SCFD2: variants seen among roughly 807,000 people sequenced by gnomAD.
SCFD2 encodes sec1 family domain-containing protein 2.
A neutral mutation model predicts 58.9 loss-of-function variants in SCFD2; 54 were observed. That is an observed-to-expected ratio of 0.92 (90% CI 0.74 to 1.15). The LOEUF (loss-of-function observed/expected upper bound fraction) is 1.15, where lower values mean the gene tolerates loss of function less well. SCFD2 is among the 50% of genes most tolerant of loss of function. The pLI is 0.00. For synonymous variants in SCFD2, 321 were observed against 335.9 expected, an observed-to-expected ratio of 0.96 and a Z score of 0.49; for missense variants, 805 against 836.6, an observed-to-expected ratio of 0.96 and a Z score of 0.47.
In SCFD2 at chr4:53,347,913, C is replaced by A. The variant is rs1364211644; in HGVS notation, c.1007+4685G>T. On this transcript the variant is annotated intron_variant, in intron 2 of 8. Coordinates refer to ENST00000401642, the MANE Select transcript of SCFD2 (RefSeq NM_152540.4). ...TTAGCGCAGAGCCAGAAGCACCAAG[C>A]GCAGATGTAGTAAATGCAAGTAGGG... Among the ~76,000 whole-genome samples, 3 of 152,264 alleles carry A rather than the reference C, an allele frequency of 2.0e-5. No homozygotes were observed. The East Asian group carries it at 5.8e-4, about 29-fold the overall frequency.
At chr4:53,229,356 C>T (rs1391767243) in intron 4 of SCFD2, among the ~76,000 whole-genome samples, 26 of 152,206 alleles carry the variant, frequency 1.7e-4, no homozygotes, top group Non-Finnish European at 3.4e-4. Flanking sequence ...CATCAAGCTA[C>T]CTGACTTCAA....
intron 3 of SCFD2, among the ~76,000 whole-genome samples, chr4:53,301,239 T>C (rs1191102859): frequency 1.6e-4 from 24 of 151,362 alleles, no homozygotes; most frequent in South Asian, 6.2e-4. Flanking sequence ...AAGAATCAAA[T>C]AGATGCAATA....
intron 3 of SCFD2, among the ~76,000 whole-genome samples, chr4:53,284,149 G>T (rs560467938): frequency 6.7e-6 from 1 of 148,912 alleles, no homozygotes; most frequent in African/African-American, 2.5e-5. Flanking sequence ...ATGTAATGAA[G>T]CATTACATGC....
intron 4 of SCFD2, among the ~76,000 whole-genome samples, chr4:53,232,020 T>C (rs1304923357): frequency 2.6e-5 from 4 of 152,122 alleles, no homozygotes; most frequent in African/African-American, 4.8e-5. Context: ...GTGGGTATCA[T>C]ATATTCAATA....
intron 5 of SCFD2, among the ~76,000 whole-genome samples, chr4:53,013,379 C>A (rs1269256711): frequency 6.6e-6 from 1 of 152,182 alleles, no homozygotes; most frequent in Non-Finnish European, 1.5e-5. Context: ...TTAAATAATT[C>A]CTTTCACTAT....
intron 2 of SCFD2, among the ~76,000 whole-genome samples, chr4:53,339,704 AG>A (rs1162389884): frequency 6.6e-6 from 1 of 152,124 alleles, no homozygotes; most frequent in Non-Finnish European, 1.5e-5. Flanking sequence ...TGGGAGGCAG[AG>A]GTTGCAGTGG....
chr4:53,007,190 G>A lies in SCFD2; in HGVS notation c.1562-86320C>T, dbSNP rs114957444. On this transcript the variant is annotated intron_variant, in intron 5 of 8. Coordinates refer to ENST00000401642, the MANE Select transcript of SCFD2 (RefSeq NM_152540.4). The stretch of plus-strand genomic sequence containing the variant: ...CAGCCACTCAGAAGGCTGAGGGGAG[G>A]ATTGCTTGAGCCCGGGAGTTTAAGG... 9.9e-3 allele frequency among the ~76,000 whole-genome samples: 1,506 copies of A among 151,584 alleles called. 22 individuals are homozygous for A. Among genetic ancestry groups the A allele is most frequent in the African/African-American group, 0.032 (1,335 of 41,292 alleles).
intron 5 of SCFD2, among the ~76,000 whole-genome samples, chr4:53,099,927 T>C (rs1171487661): frequency 6.6e-6 from 1 of 152,068 alleles, no homozygotes; most frequent in East Asian, 1.9e-4. Context: ...GTTTATAAAA[T>C]ACTGGAAAAG....
At chr4:52,913,783 T>C (rs952288880) in intron 6 of SCFD2, among the ~76,000 whole-genome samples, 2 of 152,128 alleles carry the variant, frequency 1.3e-5, no homozygotes, top group African/African-American at 4.8e-5. Context: ...CATCAGCAGA[T>C]GATGAATGAG....
At position 52,954,514 on chromosome 4, in the gene SCFD2, T is replaced by A. The variant is rs2109534031; in HGVS notation, c.1562-33644A>T. Among the ~76,000 whole-genome samples, 2 of 152,288 alleles carry A rather than the reference T, an allele frequency of 1.3e-5. 1 individual carries two copies. Among genetic ancestry groups the A allele is most frequent in the South Asian group, 4.1e-4 (2 of 4,826 alleles). Reference sequence around the variant, plus strand: ...CTTGAAAATATTCAGTTGGGCCAAATGAAATTGCTGTTTTGGTAGGTCAAA... The same window carrying A: ...CTTGAAAATATTCAGTTGGGCCAAAAGAAATTGCTGTTTTGGTAGGTCAAA... On this transcript the variant is annotated intron_variant, in intron 5 of 8. Transcript: ENST00000401642.
intron 6 of SCFD2, among the ~76,000 whole-genome samples, chr4:52,919,896 C>G (rs1294245292): frequency 6.6e-6 from 1 of 152,212 alleles, no homozygotes; most frequent in East Asian, 1.9e-4. Flanking sequence ...ACATTCAGCT[C>G]TCCAAAAAGC....
chr4:53,247,890 A>AAT (rs1560409272), intron 4 of SCFD2, among the ~76,000 whole-genome samples: 1 of 151,360 alleles, frequency 6.6e-6, no homozygotes, highest in Non-Finnish European at 1.5e-5. Context: ...AAAAAAAAAA[A>AAT]AAATAACAAG....
intron 5 of SCFD2, among the ~76,000 whole-genome samples, chr4:53,139,971 G>A (rs900082827): frequency 9.9e-5 from 15 of 152,190 alleles, no homozygotes; most frequent in African/African-American, 3.6e-4. Flanking sequence ...TAAGGGCGGT[G>A]CAAGATGTGC....
intron 4 of SCFD2, among the ~76,000 whole-genome samples, chr4:53,209,125 G>A (rs775987275): frequency 6.6e-6 from 1 of 152,086 alleles, no homozygotes; most frequent in Non-Finnish European, 1.5e-5. Flanking sequence ...TCATCCTATG[G>A]AGGTTACATG....
At chr4:53,346,920 T>C (rs1734074020) in intron 2 of SCFD2, among the ~76,000 whole-genome samples, 1 of 152,190 alleles carries the variant, frequency 6.6e-6, no homozygotes, top group South Asian at 2.1e-4. Flanking sequence ...TGTCTATTTA[T>C]TTTTAATAAC....
chr4:53,238,223 A>T (rs1390583884), intron 4 of SCFD2, among the ~76,000 whole-genome samples: 2 of 99,342 alleles, frequency 2.0e-5, no homozygotes, highest in African/African-American at 3.8e-5. Flanking sequence ...CTGGCCGGGC[A>T]GAGGGGCTCC....
At chr4:53,282,406 T>A (rs751868922) in intron 3 of SCFD2, among the ~76,000 whole-genome samples, 24 of 152,186 alleles carry the variant, frequency 1.6e-4, no homozygotes, top group Non-Finnish European at 2.8e-4. Flanking sequence ...ATCTTTCAAC[T>A]ATTGTCTGAA....
intron 2 of SCFD2, among the ~76,000 whole-genome samples, chr4:53,342,825 C>T (rs1247680144): frequency 6.6e-6 from 1 of 152,178 alleles, no homozygotes; most frequent in Non-Finnish European, 1.5e-5. Flanking sequence ...CGCTCAACTA[C>T]ATGGAAACTG....
intron 5 of SCFD2, among the ~76,000 whole-genome samples, chr4:53,054,108 C>A (rs959573549): frequency 6.6e-6 from 1 of 152,084 alleles, no homozygotes; most frequent in Admixed American, 6.6e-5. Flanking sequence ...CCTTTTCCGG[C>A]CTCTGATAAC....
Sources: gnomAD v4.1 joint callset for allele counts (sites outside exome capture counted in the v4.1 genomes callset) on GRCh38, gnomAD v4.1.1 for gene constraint, MANE v1.5 for transcripts, NCBI Gene and HGNC (gene_info 2026-07-23, HGNC 2026-07-21) for gene names.